Variants in NXF1 observed in about 807,000 individuals in gnomAD.
NXF1 encodes nuclear RNA export factor 1, also known as mRNA export factor TAP.
Under a neutral mutation model 92.4 loss-of-function variants are expected in NXF1, and 43 were observed. The ratio of observed to expected loss-of-function variants is 0.47; its 90% CI spans 0.36 to 0.60. The LOEUF (loss-of-function observed/expected upper bound fraction) is 0.60, where lower values mean the gene tolerates loss of function less well. Ranked by LOEUF, NXF1 falls within the 20% of genes least tolerant of loss-of-function variation. The pLI is 0.00. For missense variants in NXF1, 576 were observed against 793.0 expected (o/e 0.73, Z 3.29); for synonymous variants, 288 against 292.2 (o/e 0.99, Z 0.15).
chr11:62,801,860 G>A, intron 5 of NXF1, 41 bp from the exon 6 acceptor site: 1 of 1,604,128 alleles, frequency 6.2e-7, no homozygotes. Flanking sequence ...CTCTAGGGAA[G>A]CCTAAGCCGC....
rs140528299 is a variant in NXF1 at position 62,801,626 on chromosome 11, G to A, written c.645C>T (p.Ile215=). The stretch of plus-strand genomic sequence containing the variant: ...GGGAGCCATCGTATCGTTTGCTCAT[G>A]ATCAGCTAGAGGAAAAAGAAGGGTT... ...KPEQVEQLKL[I]MSKRYDGSQQ... is the part of the protein sequence containing the mutation. The change falls in exon 7 of 21, where the codon ATC becomes ATT. Residue 215 remains isoleucine (I), a synonymous_variant. Coordinates refer to ENST00000294172, the MANE Select transcript of NXF1 (RefSeq NM_006362.5). 6.2e-7 allele frequency: 1 copy of A among 1,612,322 alleles called. No individual in the cohort carries two copies. Among genetic ancestry groups the A allele is most frequent in the African/African-American group, 1.4e-5 (1 of 73,972 alleles).
At chr11:62,798,420 G>A (rs1387684104) in intron 11 of NXF1, 119 bp downstream of exon 11, 2 of 1,423,120 alleles carry the variant, frequency 1.4e-6, no homozygotes, top group African/African-American at 2.9e-5. Context: ...GGCGACGAGT[G>A]AAACTCCGTC....
Position 62,801,991 on chromosome 11 carries a change from G to A in NXF1, c.509C>T (p.Ser170Phe). 6.2e-7 allele frequency: 1 copy of A among 1,614,254 alleles called. No homozygotes were observed. ...QFFVEDASTA[S>F]ALKAVNYKIL... ...CTTATAGTTGACAGCCTTCAATGCAGAGGCAGTACTGGCGTCTTCAACGAA... is the reference window on the plus strand; with the variant it reads ...CTTATAGTTGACAGCCTTCAATGCAAAGGCAGTACTGGCGTCTTCAACGAA... Residue 170 changes from serine (S) to phenylalanine (F), a missense_variant, in exon 5 of 21, where the codon TCT becomes TTT. By Grantham distance (155) the Ser-to-Phe change is radical. Coordinates refer to ENST00000294172, the MANE Select transcript of NXF1 (RefSeq NM_006362.5).
At chr11:62,794,088 G>A (rs1275277714) in intron 19 of NXF1, among the ~76,000 whole-genome samples, 170 bp downstream of exon 19, 1 of 151,804 alleles carries the variant, frequency 6.6e-6, no homozygotes, top group Non-Finnish European at 1.5e-5. Flanking sequence ...GACAGCTTGT[G>A]CCCAGGAATT....
Position 62,803,515 on chromosome 11 carries a change from G to A in NXF1, c.273C>T (p.Arg91=). The change falls in exon 3 of 21, where the codon CGC becomes CGT. Residue 91 remains arginine, a synonymous_variant. Coordinates refer to ENST00000294172, the MANE Select transcript of NXF1 (RefSeq NM_006362.5). ...RRGDTWHDRD[R]IHVTVRRDRA... is the part of the protein sequence containing the mutation. ...TGTCTCTCCGCACAGTAACATGAAT[G>A]CGATCTCGATCATGCCAAGTATCAC... The A allele has an allele frequency of 1.2e-6, 2 of 1,613,990 alleles. No individual in the cohort carries two copies. Among genetic ancestry groups the A allele is most frequent in the Non-Finnish European group, 1.7e-6 (2 of 1,180,006 alleles).
At chr11:62,799,178 A>G in intron 10 of NXF1, 1 of 985,538 alleles carries the variant, frequency 1.0e-6, no homozygotes, top group South Asian at 4.7e-5. Context: ...GAAAGCAAAG[A>G]AAAAGAGAAA....
intron 10 of NXF1, 154 bp from the exon 11 acceptor site, chr11:62,798,729 C>T (rs1226031327): frequency 6.9e-6 from 10 of 1,441,568 alleles, no homozygotes; most frequent in Non-Finnish European, 9.1e-6. Context: ...AAAATGGCCC[C>T]CACTCCCCAC....
At position 62,803,670 on chromosome 11, in the gene NXF1, A is replaced by C. The variant is rs939749542; in HGVS notation, c.216-98T>G. ...GTGGGACTACAACTAAGACTGTTTAATCACTAAGCTAGTCCTGGCATTTCT... is the reference window on the plus strand; with the variant it reads ...GTGGGACTACAACTAAGACTGTTTACTCACTAAGCTAGTCCTGGCATTTCT... On this transcript the variant is annotated intron_variant, in intron 2 of 20. Coordinates refer to ENST00000294172, the MANE Select transcript of NXF1 (RefSeq NM_006362.5). 9.0e-6 allele frequency: 14 copies of C among 1,551,094 alleles called. No homozygotes were observed. The Admixed American group carries it at 1.2e-4, about 13-fold the overall frequency.
Position 62,805,335 on chromosome 11 carries a change from ACGACTT to A in NXF1, c.16_21del (p.Lys6_Ser7del). 6.2e-7 allele frequency: 1 copy of A among 1,611,198 alleles called. No individual in the cohort carries two copies. The highest frequency in any genetic ancestry group is 8.5e-7 in the Non-Finnish European group (1 of 1,178,776). On this transcript the variant is annotated inframe_deletion, in exon 1 of 21. Transcript: ENST00000294172. The stretch of plus-strand genomic sequence containing the variant: ...CCCGAAGACCAGCACTTACCGCTGT[ACGACTT>A]CCCCTCGTCCGCCATGCCACAGCGA...
chr11:62,801,120 T>G lies in NXF1; in HGVS notation c.880A>C (p.Lys294Gln), dbSNP rs1342277256. The G allele has an allele frequency of 7.4e-6, 12 of 1,614,126 alleles. No homozygotes were observed. The highest frequency in any genetic ancestry group is 1.0e-5 in the Non-Finnish European group (12 of 1,179,952). ...SSIVQKAPNL[K>Q]ILNLSGNELK... ...TCATTTCCAGAAAGGTTTAGGATCT[T>G]CAGGTTGGGTGCCTTCTGAACAATG... Residue 294 changes from lysine (K) to glutamine (Q), a missense_variant, in exon 9 of 21, where the codon AAG (lysine) becomes CAG (glutamine). Physicochemically the swap from Lys to Gln is moderately conservative, Grantham distance 53. Coordinates refer to ENST00000294172, the MANE Select transcript of NXF1 (RefSeq NM_006362.5).
intron 15 of NXF1, 43 bp from the exon 16 acceptor site, chr11:62,796,224 C>A: frequency 1.2e-6 from 2 of 1,613,190 alleles, no homozygotes; most frequent in Non-Finnish European, 1.7e-6. Context: ...CCACACACTC[C>A]TGAGTTCTGA....
At chr11:62,798,436 T>TAAAAAAAAAAA in intron 11 of NXF1, 103 bp downstream of exon 11, 2 of 1,176,318 alleles carry the variant, frequency 1.7e-6, no homozygotes. Flanking sequence ...CCGTCTCAAA[T>TAAAAAAAAAAA]AAAAAAAAAA....
At chr11:62,800,229 A>C in intron 10 of NXF1, 148 bp downstream of exon 10, 1 of 1,464,402 alleles carries the variant, frequency 6.8e-7, no homozygotes, top group Non-Finnish European at 9.1e-7. Flanking sequence ...CAGACAGACC[A>C]AAGTGGGGAG....
intron 11 of NXF1, among the ~76,000 whole-genome samples, chr11:62,797,974 C>T (rs1460648207): frequency 6.6e-6 from 1 of 151,702 alleles, no homozygotes; most frequent in East Asian, 1.9e-4. Context: ...ACTAAAAATA[C>T]ACAAAGAAAT....
At chr11:62,798,780 T>C in intron 10 of NXF1, 4 of 1,380,104 alleles carry the variant, frequency 2.9e-6, no homozygotes, top group Non-Finnish European at 3.7e-6. Context: ...TTGAAGGCTG[T>C]CTCTTTTCTC....
In NXF1 at chr11:62,802,025, C is replaced by A; in HGVS notation, c.475G>T (p.Ala159Ser). ...CTGGCGTCTTCAACGAAGAACTGGG[C>A]CCGTGTATTCTCATAGTGAAACTAC... Reference protein sequence around the residue: ...PIEFHYENTRAQFFVEDASTA... With the variant: ...PIEFHYENTRSQFFVEDASTA... Residue 159 changes from alanine (A) to serine (S), a missense_variant, in exon 5 of 21, where the codon GCC (alanine) becomes TCC (serine). By Grantham distance (99) the Ala-to-Ser change is moderately conservative. Coordinates refer to ENST00000294172, the MANE Select transcript of NXF1 (RefSeq NM_006362.5). 6.2e-7 allele frequency: 1 copy of A among 1,614,182 alleles called. No individual in the cohort carries two copies. Among genetic ancestry groups the A allele is most frequent in the Non-Finnish European group, 8.5e-7 (1 of 1,179,998 alleles).
chr11:62,797,465 C>T (rs1277647433), intron 11 of NXF1, 79 bp from the exon 12 acceptor site: 17 of 1,299,444 alleles, frequency 1.3e-5, no homozygotes, highest in East Asian at 2.4e-5. Context: ...TTTGGGAGGC[C>T]GAGGCAGGCA....
Position 62,792,225 on chromosome 11 carries a change from A to G in NXF1, c.*251T>C, listed in dbSNP as rs1198701488. 1.5e-6 allele frequency: 1 copy of G among 660,320 alleles called. No individual in the cohort carries two copies. The highest frequency in any genetic ancestry group is 1.8e-5 in the African/African-American group (1 of 55,322). 40.9% of individuals were successfully genotyped at this position (660,320 alleles called of 1,614,324 possible). ...AGGAGGTCCTGGGGTTAAGTACACAAAGCACCTAAGTCCTTCGGGTAGTTT... is the reference window on the plus strand; with the variant it reads ...AGGAGGTCCTGGGGTTAAGTACACAGAGCACCTAAGTCCTTCGGGTAGTTT... On this transcript the variant is annotated 3_prime_UTR_variant, in exon 21 of 21. Coordinates refer to ENST00000294172, the MANE Select transcript of NXF1 (RefSeq NM_006362.5).
At position 62,795,537 on chromosome 11, in the gene NXF1, C is replaced by A. The variant is rs1250610445; in HGVS notation, c.1504+364G>T. The stretch of plus-strand genomic sequence containing the variant: ...TGTATGCCAGGCCCCAGGCCAAGCA[C>A]TTTGTAAGTCACTTCAGTTTACTTC... On this transcript the variant is annotated intron_variant, in intron 17 of 20. Coordinates refer to ENST00000294172, the MANE Select transcript of NXF1 (RefSeq NM_006362.5). 6 of 309,730 alleles carry A rather than the reference C, an allele frequency of 1.9e-5. No homozygotes were observed. In the East Asian group the frequency reaches 4.2e-4, roughly 22 times the overall value. 19.2% of individuals were successfully genotyped at this position (309,730 alleles called of 1,614,324 possible).
Sources: gnomAD v4.1 joint callset for allele counts (sites outside exome capture counted in the v4.1 genomes callset) on GRCh38, gnomAD v4.1.1 for gene constraint, MANE v1.5 for transcripts, NCBI Gene and HGNC (gene_info 2026-07-23, HGNC 2026-07-21) for gene names.